Variants in JAKMIP2 observed in about 807,000 individuals in gnomAD.
JAKMIP2 encodes the protein janus kinase and microtubule-interacting protein 2.
In JAKMIP2, 25 loss-of-function variants were observed where a neutral mutation model predicts 115.0. The observed-to-expected ratio is 0.22, with a 90% CI of 0.16 to 0.30. JAKMIP2 has a LOEUF of 0.30. Ranked by LOEUF, JAKMIP2 falls within the 10% of genes least tolerant of loss-of-function variation. The probability of loss-of-function intolerance (pLI) is 1.00; values close to 1 mark genes in which losing one functional copy is unlikely to be tolerated. For synonymous variants in JAKMIP2, 334 were observed against 343.6 expected, an observed-to-expected ratio of 0.97 and a Z score of 0.31; for missense variants, 642 against 957.6, an observed-to-expected ratio of 0.67 and a Z score of 4.35.
At chr5:147,671,420 T>C (rs929614570) in intron 2 of JAKMIP2, among the ~76,000 whole-genome samples, 23 of 152,236 alleles carry the variant, frequency 1.5e-4, no homozygotes, top group African/African-American at 3.1e-4. Context: ...TGAATTTTCA[T>C]ATCTGGCTTC....
intron 1 of JAKMIP2, among the ~76,000 whole-genome samples, chr5:147,698,785 T>C (rs1347847553): frequency 6.6e-6 from 1 of 152,190 alleles, no homozygotes; most frequent in East Asian, 1.9e-4. Flanking sequence ...CTTTCTTTCA[T>C]AAACTACCCA....
intron 1 of JAKMIP2, among the ~76,000 whole-genome samples, chr5:147,756,046 G>C (rs1561578011): frequency 6.6e-6 from 1 of 152,122 alleles, no homozygotes; most frequent in Non-Finnish European, 1.5e-5. Context: ...AGAAATAAAT[G>C]AGCATATCAG....
chr5:147,761,940 C>T (rs1754942973), intron 1 of JAKMIP2, among the ~76,000 whole-genome samples: 1 of 151,902 alleles, frequency 6.6e-6, no homozygotes, highest in African/African-American at 2.4e-5. Flanking sequence ...AAGTTTATTA[C>T]ATTTGAAAGG....
rs149337499 is a variant in JAKMIP2, at chr5:147,633,853, C to T, written c.1678-1075G>A. Among the ~76,000 whole-genome samples the T allele has an allele frequency of 8.5e-3, 1,292 of 152,060 alleles. 14 individuals are homozygous for T. The highest frequency in any genetic ancestry group is 0.029 in the African/African-American group (1,198 of 41,502). ...TACAGGTGCCTGCCACCAGGCCTGG[C>T]TAATTTTTGTATTTTTAGTAGAGAC... is the stretch of plus-strand genomic sequence containing the variant. On this transcript the variant is annotated intron_variant, in intron 12 of 21. Coordinates refer to ENST00000616793, the MANE Select transcript of JAKMIP2 (RefSeq NM_001270941.2).
intron 1 of JAKMIP2, among the ~76,000 whole-genome samples, chr5:147,761,255 G>A (rs1754920399): frequency 6.6e-6 from 1 of 152,068 alleles, no homozygotes; most frequent in Admixed American, 6.6e-5. Flanking sequence ...TCCAGCTCCT[G>A]TATTAATTCT....
chr5:147,662,485 A>T (rs1581375107), intron 2 of JAKMIP2, among the ~76,000 whole-genome samples: 2 of 152,120 alleles, frequency 1.3e-5, no homozygotes, highest in South Asian at 2.1e-4. Flanking sequence ...CTACCTATTG[A>T]TCTAATCTGG....
chr5:147,615,179 C>T (rs1167498354), intron 19 of JAKMIP2, among the ~76,000 whole-genome samples: 2 of 152,116 alleles, frequency 1.3e-5, no homozygotes, highest in Non-Finnish European at 2.9e-5. Flanking sequence ...ACAGCAGGCC[C>T]TCAATAAATG....
chr5:147,590,678 A>G lies in JAKMIP2; in HGVS notation c.*1029T>C, dbSNP rs1755062664. On this transcript the variant is annotated 3_prime_UTR_variant, in exon 22 of 22. Coordinates refer to ENST00000616793, the MANE Select transcript of JAKMIP2 (RefSeq NM_001270941.2). ...TTTGCCCAAATCATATAGCATATTC[A>G]TTTGCAGGCAATTTTAAGCAGCCAT... The G allele has an allele frequency of 1.3e-5, 2 of 152,314 alleles. No homozygotes were observed. Among genetic ancestry groups the G allele is most frequent in the South Asian group, 4.1e-4 (2 of 4,826 alleles). The allele number at this position is 152,314 out of a possible 1,614,324, so 9.4% of individuals were successfully genotyped here.
chr5:147,743,353 T>A (rs910741211), intron 1 of JAKMIP2, among the ~76,000 whole-genome samples: 4 of 152,218 alleles, frequency 2.6e-5, no homozygotes, highest in African/African-American at 4.8e-5. Flanking sequence ...TGATGGTACT[T>A]GAATAGTAGT....
intron 20 of JAKMIP2, among the ~76,000 whole-genome samples, chr5:147,604,990 G>A (rs756530659): frequency 1.0e-4 from 15 of 149,726 alleles, no homozygotes; most frequent in African/African-American, 3.4e-4. Flanking sequence ...CCCACCCCCC[G>A]ACAGGCCCTG....
At chr5:147,731,991 T>G (rs1193360187) in intron 1 of JAKMIP2, among the ~76,000 whole-genome samples, 1 of 152,242 alleles carries the variant, frequency 6.6e-6, no homozygotes, top group Non-Finnish European at 1.5e-5. Context: ...AATCAGTGTG[T>G]TGTGCATACA....
rs140358499 is a variant in JAKMIP2, at chr5:147,594,577, A to T, written c.*21-2891T>A. The T allele has an allele frequency of 5.3e-5, 17 of 322,420 alleles. 1 individual carries two copies. Among genetic ancestry groups the T allele is most frequent in the South Asian group, 4.1e-4 (17 of 41,174 alleles). The allele number at this position is 322,420 out of a possible 1,614,324, so 20.0% of individuals were successfully genotyped here. A position where few individuals can be genotyped will look rare whatever the true frequency, so the allele number is the denominator to read the frequency against. ...TTAAACTCCTGGGCTCAAGTGATCC[A>T]CCTGCCTCAGCCTCTCAAAATGCTG... On this transcript the variant is annotated intron_variant, in intron 21 of 21. Transcript: ENST00000616793.
intron 1 of JAKMIP2, among the ~76,000 whole-genome samples, chr5:147,767,309 G>A (rs1755190784): frequency 6.6e-6 from 1 of 152,154 alleles, no homozygotes; most frequent in South Asian, 2.1e-4. Flanking sequence ...GTGATGGACA[G>A]TCACAAAGTC....
chr5:147,644,946 C>T lies in JAKMIP2; in HGVS notation c.987G>A (p.Arg329=), dbSNP rs2116765. ...TEKQCKPLLE[R]NKCLAKRNDE... is the part of the protein sequence containing the mutation. ...CGTTTCTCTTGGCGAGGCACTTGTT[C>T]CTTTCCAGGAGAGGTTTACATTGCT... Residue 329 remains arginine, a synonymous_variant, in exon 6 of 22, where the codon AGG becomes AGA. Coordinates refer to ENST00000616793, the MANE Select transcript of JAKMIP2 (RefSeq NM_001270941.2). 0.18 allele frequency: 285,597 copies of T among 1,611,558 alleles called. 34,140 individuals carry two copies. Among genetic ancestry groups the T allele is most frequent in the African/African-American group, 0.45 (33,559 of 74,636 alleles).
At chr5:147,740,594 G>A (rs1027982687) in intron 1 of JAKMIP2, among the ~76,000 whole-genome samples, 4 of 152,246 alleles carry the variant, frequency 2.6e-5, no homozygotes, top group African/African-American at 9.6e-5. Context: ...ATAAACTTTT[G>A]GACAACTTAG....
At chr5:147,598,279 G>A (rs1033414386) in intron 21 of JAKMIP2, among the ~76,000 whole-genome samples, 4 of 152,124 alleles carry the variant, frequency 2.6e-5, no homozygotes, top group South Asian at 2.1e-4. Flanking sequence ...GATTACAGGC[G>A]TGAGCCATCA....
In JAKMIP2 at chr5:147,673,956, C is replaced by A. The variant is rs143446809; in HGVS notation, c.-148-2002G>T. The stretch of plus-strand genomic sequence containing the variant: ...ATGACCCACAGTTCTATATCCACAG[C>A]CCCGACCATTATGCAAACACTAGAC... On this transcript the variant is annotated intron_variant, in intron 1 of 21. Coordinates refer to ENST00000616793, the MANE Select transcript of JAKMIP2 (RefSeq NM_001270941.2). Among the ~76,000 whole-genome samples, 1,426 of 152,232 alleles carry A rather than the reference C, an allele frequency of 9.4e-3. 20 individuals carry two copies. Among genetic ancestry groups the A allele is most frequent in the South Asian group, 0.02 (98 of 4,824 alleles).
chr5:147,672,535 TAA>T, intron 1 of JAKMIP2, among the ~76,000 whole-genome samples: 2 of 152,286 alleles, frequency 1.3e-5, no homozygotes, highest in South Asian at 2.1e-4. Context: ...AATAGAAAAA[TAA>T]GTCAGCCTTC....
chr5:147,683,193 TA>T (rs1760387048), intron 1 of JAKMIP2, among the ~76,000 whole-genome samples: 2 of 152,060 alleles, frequency 1.3e-5, no homozygotes, highest in Non-Finnish European at 2.9e-5. Context: ...GCACAGTTAC[TA>T]AAAACAATCT....
Sources: gnomAD v4.1 joint callset for allele counts (sites outside exome capture counted in the v4.1 genomes callset) on GRCh38, gnomAD v4.1.1 for gene constraint, MANE v1.5 for transcripts, NCBI Gene and HGNC (gene_info 2026-07-23, HGNC 2026-07-21) for gene names.